The following CPNE8 variants were observed in gnomAD, a reference collection of about 807,000 sequenced individuals.
CPNE8 encodes the protein copine 8, also known as copine-8.
Under a neutral mutation model 81.5 loss-of-function variants are expected in CPNE8, and 45 were observed. The ratio of observed to expected loss-of-function variants is 0.55; its 90% CI spans 0.44 to 0.71. CPNE8 has a LOEUF of 0.71. CPNE8 is among the 30% of genes least tolerant of loss of function. The pLI, the probability that CPNE8 is intolerant of heterozygous loss-of-function variation, is 0.00. For synonymous variants in CPNE8, 252 were observed against 226.3 expected, an observed-to-expected ratio of 1.11 and a Z score of -1.02; for missense variants, 594 against 672.1, an observed-to-expected ratio of 0.88 and a Z score of 1.28.
At chr12:38,843,245 T>G (rs1471871128) in intron 4 of CPNE8, among the ~76,000 whole-genome samples, 1 of 152,192 alleles carries the variant, frequency 6.6e-6, no homozygotes. Context: ...TAACAGATAT[T>G]GATGGAAATT....
At position 38,742,898 on chromosome 12, in the gene CPNE8, G is replaced by A. The variant is rs557697871; in HGVS notation, c.723-12540C>T. 1.2e-4 allele frequency among the ~76,000 whole-genome samples: 18 copies of A among 151,752 alleles called. No homozygotes were observed. In the South Asian group the frequency reaches 1.2e-3, roughly 11 times the overall value. ...ACCAGCAATATAAGTAGCATGATCCGTAAACATTTTTTCATGTTTATAATA... is the reference window on the plus strand; with the variant it reads ...ACCAGCAATATAAGTAGCATGATCCATAAACATTTTTTCATGTTTATAATA... On this transcript the variant is annotated intron_variant, in intron 10 of 19. Coordinates refer to ENST00000331366, the MANE Select transcript of CPNE8 (RefSeq NM_153634.3).
At chr12:38,867,337 TGTGA>T (rs548399903) in intron 3 of CPNE8, among the ~76,000 whole-genome samples, 6,645 of 136,352 alleles carry the variant, frequency 0.049, 171 homozygotes, top group East Asian at 0.26. Context: ...TGTGTGTGTG[TGTGA>T]GAGAGAGAGA....
intron 1 of CPNE8, among the ~76,000 whole-genome samples, chr12:38,887,571 A>T (rs549671575): frequency 2.0e-5 from 3 of 152,066 alleles, no homozygotes; most frequent in Non-Finnish European, 4.4e-5. Flanking sequence ...TCATGAAGTG[A>T]TCTACTGTTT....
chr12:38,864,944 G>A (rs572126840), intron 3 of CPNE8, among the ~76,000 whole-genome samples: 2 of 152,110 alleles, frequency 1.3e-5, no homozygotes, highest in Non-Finnish European at 2.9e-5. Context: ...AAAGGAAAAA[G>A]ATATTTGCAA....
At chr12:38,731,151 T>C (rs1029398071) in intron 10 of CPNE8, among the ~76,000 whole-genome samples, 3 of 151,962 alleles carry the variant, frequency 2.0e-5, no homozygotes, top group African/African-American at 7.2e-5. Flanking sequence ...GAGAAGTAAG[T>C]ACAAACTGCT....
chr12:38,797,680 C>A (rs560035752), intron 6 of CPNE8, among the ~76,000 whole-genome samples: 2 of 152,266 alleles, frequency 1.3e-5, no homozygotes, highest in East Asian at 3.9e-4. Flanking sequence ...TCACCAGCAA[C>A]AGAACAAAGC....
At chr12:38,710,476 G>T (rs1488020908) in intron 13 of CPNE8, among the ~76,000 whole-genome samples, 2 of 151,898 alleles carry the variant, frequency 1.3e-5, no homozygotes, top group South Asian at 2.1e-4. Context: ...CAAATCTCTG[G>T]GTCCTAGTTT....
intron 11 of CPNE8, among the ~76,000 whole-genome samples, chr12:38,727,980 T>C (rs1940742686): frequency 6.6e-6 from 1 of 152,178 alleles, no homozygotes. Flanking sequence ...AAATATCTGC[T>C]GATCACGGAG....
intron 6 of CPNE8, among the ~76,000 whole-genome samples, chr12:38,818,942 T>A (rs1483343212): frequency 1.3e-5 from 2 of 152,246 alleles, no homozygotes; most frequent in Non-Finnish European, 2.9e-5. Flanking sequence ...TTTTGAGAAG[T>A]GTCTGTTCAC....
chr12:38,691,876 G>A (rs977081050), intron 15 of CPNE8, among the ~76,000 whole-genome samples: 18 of 152,148 alleles, frequency 1.2e-4, no homozygotes, highest in Non-Finnish European at 1.6e-4. Flanking sequence ...TGGAGCCCTC[G>A]CAGACTAACT....
At chr12:38,831,836 A>T (rs908265002) in intron 5 of CPNE8, among the ~76,000 whole-genome samples, 1 of 152,200 alleles carries the variant, frequency 6.6e-6, no homozygotes, top group African/African-American at 2.4e-5. Context: ...CACAAGGGCG[A>T]TTCCAGAATT....
intron 6 of CPNE8, among the ~76,000 whole-genome samples, chr12:38,806,899 G>A (rs1438985627): frequency 6.6e-6 from 1 of 151,072 alleles, no homozygotes; most frequent in Non-Finnish European, 1.5e-5. Flanking sequence ...AGCAACTTCA[G>A]CAGTCTCAGG....
At chr12:38,712,717 AT>A (rs1940290135) in intron 13 of CPNE8, among the ~76,000 whole-genome samples, 1 of 152,104 alleles carries the variant, frequency 6.6e-6, no homozygotes, top group Non-Finnish European at 1.5e-5. Flanking sequence ...CTCTTTAAAA[AT>A]TTTTTTCAAA....
chr12:38,814,309 CTTTTTTTT>C (rs61444154), intron 6 of CPNE8, among the ~76,000 whole-genome samples: 2 of 49,168 alleles, frequency 4.1e-5, no homozygotes, highest in South Asian at 2.3e-3. Flanking sequence ...CCAGACCTGG[CTTTTTTTT>C]TTTTTTTTTT....
At chr12:38,877,063 A>G (rs1944078104) in intron 1 of CPNE8, among the ~76,000 whole-genome samples, 2 of 152,226 alleles carry the variant, frequency 1.3e-5, no homozygotes, top group South Asian at 4.1e-4. Flanking sequence ...CCCAGTACAG[A>G]ATAATCTAAT....
intron 1 of CPNE8, among the ~76,000 whole-genome samples, chr12:38,897,371 T>G (rs1944402366): frequency 6.6e-6 from 1 of 152,076 alleles, no homozygotes; most frequent in Non-Finnish European, 1.5e-5. Flanking sequence ...GAAAAAAAAG[T>G]AACCAGAGAT....
At chr12:38,768,009 C>T (rs879868774) in intron 7 of CPNE8, among the ~76,000 whole-genome samples, 6 of 151,796 alleles carry the variant, frequency 4.0e-5, no homozygotes, top group Admixed American at 6.6e-5. Flanking sequence ...CTAGGTGATG[C>T]CAGGTACTCA....
At chr12:38,745,874 C>G (rs1565595128) in intron 10 of CPNE8, among the ~76,000 whole-genome samples, 1 of 152,140 alleles carries the variant, frequency 6.6e-6, no homozygotes, top group Non-Finnish European at 1.5e-5. Flanking sequence ...GAATGAGTTT[C>G]TAGCAATGGT....
intron 12 of CPNE8, 102 bp downstream of exon 12, chr12:38,724,744 C>T: frequency 1.3e-6 from 1 of 766,102 alleles, no homozygotes; most frequent in South Asian, 1.9e-5. Flanking sequence ...TGAAACACAG[C>T]TCAGTTTTTT....
Sources: allele counts gnomAD v4.1 joint callset (sites outside exome capture counted in the v4.1 genomes callset), GRCh38; gene constraint gnomAD v4.1.1; transcripts MANE v1.5; gene names NCBI Gene and HGNC (gene_info 2026-07-23, HGNC 2026-07-21).